Variants in DNAH9 observed in about 807,000 individuals in gnomAD.
DNAH9 encodes the protein dynein axonemal heavy chain 9.
Under a neutral mutation model 471.6 loss-of-function variants are expected in DNAH9, and 345 were observed. The ratio of observed to expected loss-of-function variants is 0.73; its 90% CI spans 0.67 to 0.80. The LOEUF is 0.80. DNAH9 is among the 30% of genes least tolerant of loss of function. The probability of loss-of-function intolerance (pLI) is 0.00; values close to 1 mark genes in which losing one functional copy is unlikely to be tolerated. For missense variants in DNAH9, 5,407 were observed against 5,609.2 expected, an observed-to-expected ratio of 0.96 and a Z score of 1.15; for synonymous variants, 2,093 against 2,123.6, an observed-to-expected ratio of 0.99 and a Z score of 0.40.
rs544936412 is a variant in DNAH9, at chr17:11,759,522, T to C, written c.6995+1830T>C. Among the ~76,000 whole-genome samples the C allele has an allele frequency of 2.2e-5, 3 of 135,748 alleles. No homozygotes were observed. In the East Asian group the frequency reaches 6.3e-4, roughly 29 times the overall value. The allele number at this position is 135,748 out of a possible 152,430, so 89.1% of individuals were successfully genotyped here. ...ATAGGTATATATACACACCACTTTTTTTTTTTTTTTTTTTTTTTGAGTCGT... is the reference window on the plus strand; with the variant it reads ...ATAGGTATATATACACACCACTTTTCTTTTTTTTTTTTTTTTTTGAGTCGT... On this transcript the variant is annotated intron_variant, in intron 35 of 68. Coordinates refer to ENST00000262442, the MANE Select transcript of DNAH9 (RefSeq NM_001372.4).
At position 11,892,097 on chromosome 17, in the gene DNAH9, A is replaced by G. The variant is rs888868261; in HGVS notation, c.11283+150A>G. 2.2e-5 allele frequency: 20 copies of G among 906,830 alleles called. No homozygotes were observed. In the South Asian group the frequency reaches 2.8e-4, roughly 13 times the overall value. 56.2% of individuals were successfully genotyped at this position (906,830 alleles called of 1,614,324 possible). A position where few individuals can be genotyped will look rare whatever the true frequency, so the allele number is the denominator to read the frequency against. ...TAGAGGCATCAGACAAGAAGGTCCA[A>G]TGTGGTGTGTGCATCTGCCCCCACC... is the stretch of plus-strand genomic sequence containing the variant. On this transcript the variant is annotated intron_variant, in intron 58 of 68. Transcript: ENST00000262442. The surrounding 1 kb of genome is among the most constrained non-coding windows in gnomAD (Gnocchi z 4.3).
chr17:11,710,290 G>A (rs541815582), intron 26 of DNAH9, among the ~76,000 whole-genome samples: 2 of 151,988 alleles, frequency 1.3e-5, no homozygotes, highest in Non-Finnish European at 2.9e-5. Context: ...GGTTATTTAA[G>A]TTACATCTAA....
chr17:11,700,813 A>G (rs922975361), intron 23 of DNAH9, among the ~76,000 whole-genome samples: 1 of 152,206 alleles, frequency 6.6e-6, no homozygotes, highest in African/African-American at 2.4e-5. Context: ...ATTTACACCC[A>G]GCTCAACCCA....
At chr17:11,890,447 A>C (rs10445247) in intron 57 of DNAH9, among the ~76,000 whole-genome samples, 92,823 of 152,038 alleles carry the variant, frequency 0.61, 30,870 homozygotes, top group Middle Eastern at 0.76. Flanking sequence ...GGAAGGGAGA[A>C]AGAAATTCAC....
In DNAH9 at chr17:11,608,206, C is replaced by T. The variant is rs376172635; in HGVS notation, c.495C>T (p.His165=). 52 of 1,613,778 alleles carry T rather than the reference C, an allele frequency of 3.2e-5. No individual in the cohort carries two copies. Among genetic ancestry groups the T allele is most frequent in the African/African-American group, 6.7e-5 (5 of 74,932 alleles). ...PHMICEDVRR[H]AHSLQCDLSV... ...TGATATGTGAGGATGTCAGGCGGCA[C>T]GCCCACAGCCTCCAATGTGACCTCT... The change falls in exon 2 of 69, where the codon CAC becomes CAT. Residue 165 remains histidine, a synonymous_variant. Transcript: ENST00000262442.
At chr17:11,750,940 A>T (rs1172725337) in intron 32 of DNAH9, among the ~76,000 whole-genome samples, 1 of 152,148 alleles carries the variant, frequency 6.6e-6, no homozygotes, top group Non-Finnish European at 1.5e-5. Context: ...CAAACAGATT[A>T]TATAAAAGAT....
In DNAH9 at chr17:11,745,859, T is replaced by TTG. The variant is rs142398071; in HGVS notation, c.6399+789_6399+790dup. ...ATAAAGTTATAAGCAGTATTATGTA[T>TTG]TGTGTGTGTGTGTGTATGGTAAAAT... On this transcript the variant is annotated intron_variant, in intron 31 of 68. Transcript: ENST00000262442. 4.1e-3 allele frequency among the ~76,000 whole-genome samples: 624 copies of TTG among 151,764 alleles called. 6 individuals carry two copies. Among genetic ancestry groups the TTG allele is most frequent in the African/African-American group, 0.013 (552 of 41,406 alleles).
chr17:11,905,817 A>G lies in DNAH9; in HGVS notation c.11749+8A>G. The G allele has an allele frequency of 1.9e-6, 3 of 1,597,138 alleles. No individual in the cohort carries two copies. The highest frequency in any genetic ancestry group is 2.2e-5 in the South Asian group (2 of 88,974). On this transcript the variant is annotated splice_region_variant and intron_variant, in intron 61 of 68. Transcript: ENST00000262442. ...AGGATGTAGAAAGTCAAGGTGAGAA[A>G]GGCGTCCTCTTGGAGCCAGGGCTGC...
At chr17:11,774,955 AT>A (rs1375892470) in intron 38 of DNAH9, among the ~76,000 whole-genome samples, 1 of 151,780 alleles carries the variant, frequency 6.6e-6, no homozygotes, top group African/African-American at 2.4e-5. Context: ...AATCATCATA[AT>A]TGAAATAATG....
intron 4 of DNAH9, chr17:11,612,223 G>A (rs890205216): frequency 3.5e-5 from 12 of 340,028 alleles, no homozygotes; most frequent in Admixed American, 1.2e-4. Context: ...GGGTGGTCAT[G>A]TGAGTCCATC....
rs779587060 is a variant in DNAH9, at chr17:11,937,232, G to A, written c.12490-120G>A. Reference sequence around the variant, plus strand: ...GGTGATGAAGTCAACCAGGGATGGTGAGCAGTGTCCCCTGGAGGAGGGATA... The same window carrying A: ...GGTGATGAAGTCAACCAGGGATGGTAAGCAGTGTCCCCTGGAGGAGGGATA... On this transcript the variant is annotated intron_variant, in intron 65 of 68. Transcript: ENST00000262442. This position sits in a 1 kb window ranked among gnomAD's most constrained non-coding sequence, Gnocchi z 4.1. The A allele has an allele frequency of 4.5e-5, 55 of 1,224,922 alleles. No individual in the cohort carries two copies. The highest frequency in any genetic ancestry group is 1.7e-4 in the Admixed American group (7 of 41,686). The allele number at this position is 1,224,922 out of a possible 1,614,324, so 75.9% of individuals were successfully genotyped here.
At chr17:11,883,240 C>G in intron 55 of DNAH9, 1 of 1,021,854 alleles carries the variant, frequency 9.8e-7, no homozygotes. Context: ...AGAACTAAAA[C>G]TGGACCCTAA....
intron 37 of DNAH9, among the ~76,000 whole-genome samples, chr17:11,768,891 C>T (rs572946549): frequency 2.0e-5 from 3 of 152,112 alleles, no homozygotes; most frequent in African/African-American, 7.2e-5. Flanking sequence ...GAAAGAGGCC[C>T]GGGTGGTAGA....
chr17:11,746,546 C>T (rs1318512069), intron 31 of DNAH9, among the ~76,000 whole-genome samples: 1 of 152,146 alleles, frequency 6.6e-6, no homozygotes, highest in Non-Finnish European at 1.5e-5. Flanking sequence ...TGAGAACTCA[C>T]TCAGTATCAC....
At chr17:11,659,665 G>C (rs949183928) in intron 14 of DNAH9, among the ~76,000 whole-genome samples, 1 of 152,148 alleles carries the variant, frequency 6.6e-6, no homozygotes, top group African/African-American at 2.4e-5. Flanking sequence ...TCACAGCTAC[G>C]CTTGATGCAC....
At chr17:11,637,369 T>C (rs2073184292) in intron 9 of DNAH9, among the ~76,000 whole-genome samples, 1 of 152,158 alleles carries the variant, frequency 6.6e-6, no homozygotes, top group Admixed American at 6.5e-5. Context: ...AGGTAAGGGA[T>C]AAAATAAATA....
intron 27 of DNAH9, among the ~76,000 whole-genome samples, chr17:11,727,090 A>G (rs1037354496): frequency 3.3e-5 from 5 of 150,082 alleles, no homozygotes; most frequent in Admixed American, 1.3e-4. Context: ...CGCTGAATAA[A>G]TGAATGGGAC....
At chr17:11,701,828 G>A (rs1408486269) in intron 24 of DNAH9, among the ~76,000 whole-genome samples, 2 of 152,072 alleles carry the variant, frequency 1.3e-5, no homozygotes, top group Non-Finnish European at 2.9e-5. Context: ...ACAGGCATGC[G>A]CCACCAGGGC....
chr17:11,712,614 TC>T (rs960099503), intron 26 of DNAH9, among the ~76,000 whole-genome samples: 2 of 152,158 alleles, frequency 1.3e-5, no homozygotes, highest in African/African-American at 4.8e-5. Context: ...TTATAGCCAT[TC>T]TGGTGGCTGT....
Sources: allele counts gnomAD v4.1 joint callset (sites outside exome capture counted in the v4.1 genomes callset), GRCh38; gene constraint gnomAD v4.1.1; non-coding constraint Gnocchi (gnomAD v3.1); transcripts MANE v1.5; gene names NCBI Gene and HGNC (gene_info 2026-07-23, HGNC 2026-07-21).